Variants in DOCK1 observed in about 807,000 individuals in gnomAD.
DOCK1 encodes the protein dedicator of cytokinesis protein 1.
Under a neutral mutation model 262.7 loss-of-function variants are expected in DOCK1, and 138 were observed. The observed-to-expected ratio is 0.53, with a 90% CI of 0.46 to 0.61. DOCK1 has a LOEUF of 0.61. Ranked by LOEUF, DOCK1 falls within the 20% of genes least tolerant of loss-of-function variation. DOCK1 has a pLI of 0.00. For missense variants in DOCK1, 1,908 were observed against 2,370.7 expected (o/e 0.80, Z 4.05); for synonymous variants, 866 against 867.4 (o/e 1.00, Z 0.03).
rs767858333 is a variant in DOCK1, at chr10:127,042,665, T to TG, written c.2053dup (p.Glu685GlyfsTer6). The TG allele has an allele frequency of 5.6e-6, 9 of 1,614,164 alleles. No homozygotes were observed. Among genetic ancestry groups the TG allele is most frequent in the Admixed American group, 3.3e-5 (2 of 60,022 alleles). On this transcript the variant is annotated frameshift_variant, in exon 20 of 52. Coordinates refer to ENST00000623213, the MANE Select transcript of DOCK1 (RefSeq NM_001290223.2). LOFTEE classifies it high-confidence loss of function. ...TTGGATGCCCTCTTCAACATCATGA[T>TG]GGAGAACTCAGAGAGTGAGACTTTT...
chr10:126,956,302 C>A (rs937445420), intron 1 of DOCK1, among the ~76,000 whole-genome samples: 33 of 152,236 alleles, frequency 2.2e-4, no homozygotes, highest in Admixed American at 1.6e-3. Flanking sequence ...TGAGATTTCA[C>A]CAGCAGAAGG....
intron 38 of DOCK1, among the ~76,000 whole-genome samples, chr10:127,387,815 A>G (rs1450747977): frequency 1.3e-5 from 2 of 152,060 alleles, no homozygotes; most frequent in Non-Finnish European, 2.9e-5. Context: ...CATGTATGGC[A>G]GGACAGGTGG....
chr10:127,420,237 A>C (rs958607915), intron 46 of DOCK1, among the ~76,000 whole-genome samples: 1 of 152,078 alleles, frequency 6.6e-6, no homozygotes, highest in Non-Finnish European at 1.5e-5. Flanking sequence ...TGTGCAAGTT[A>C]TTTCACTGTT....
At chr10:127,017,268 C>T (rs1444294008) in intron 12 of DOCK1, among the ~76,000 whole-genome samples, 1 of 134,152 alleles carries the variant, frequency 7.5e-6, no homozygotes, top group Non-Finnish European at 1.6e-5. Flanking sequence ...CTCAGATATA[C>T]ATATAGACAC....
Position 127,418,476 on chromosome 10 carries a change from C to T in DOCK1, c.4627C>T (p.Leu1543Phe). The T allele has an allele frequency of 1.2e-6, 2 of 1,614,150 alleles. No homozygotes were observed. Among genetic ancestry groups the T allele is most frequent in the Non-Finnish European group, 8.5e-7 (1 of 1,180,020 alleles). ...TGACCCCAGCCTGCCCATCAACCCG[C>T]TCTCCATGCTCCTGAACGGCATCGT... Reference protein sequence around the residue: ...LDDPSLPINPLSMLLNGIVDP... With the variant: ...LDDPSLPINPFSMLLNGIVDP... The change falls in exon 45 of 52, where the codon CTC (leucine) becomes TTC (phenylalanine). Residue 1543 changes from leucine to phenylalanine, a missense_variant. Coordinates refer to ENST00000623213, the MANE Select transcript of DOCK1 (RefSeq NM_001290223.2).
intron 29 of DOCK1, among the ~76,000 whole-genome samples, chr10:127,277,120 T>G (rs1368667052): frequency 1.3e-5 from 2 of 152,160 alleles, no homozygotes; most frequent in African/African-American, 4.8e-5. Flanking sequence ...ACGCTCAGTT[T>G]CCCTTTCAGA....
chr10:127,415,105 G>A (rs771085078), intron 43 of DOCK1, 47 bp from the exon 44 acceptor site: 1 of 1,575,204 alleles, frequency 6.3e-7, no homozygotes, highest in Admixed American at 1.7e-5. Context: ...CTGTCCACCT[G>A]CTGACATCCT....
intron 27 of DOCK1, among the ~76,000 whole-genome samples, chr10:127,190,600 C>G (rs2056651500): frequency 7.3e-6 from 1 of 137,570 alleles, no homozygotes; most frequent in Non-Finnish European, 1.5e-5. Flanking sequence ...TAATGAAAAA[C>G]TTATTTTTTA....
At chr10:127,092,749 C>T (rs2047615058) in intron 23 of DOCK1, among the ~76,000 whole-genome samples, 1 of 152,206 alleles carries the variant, frequency 6.6e-6, no homozygotes, top group East Asian at 1.9e-4. Context: ...TCCCAAGGTG[C>T]TGGGATTACA....
chr10:126,915,429 G>A (rs2032350621), intron 1 of DOCK1, among the ~76,000 whole-genome samples: 1 of 128,562 alleles, frequency 7.8e-6, no homozygotes, highest in Admixed American at 8.3e-5. Context: ...TTTTTTGGGG[G>A]CGGGGGGGGG....
intron 43 of DOCK1, among the ~76,000 whole-genome samples, chr10:127,414,541 TAGTA>T (rs1183545257): frequency 6.6e-6 from 1 of 152,250 alleles, no homozygotes; most frequent in African/African-American, 2.4e-5. Flanking sequence ...TTTTAATACT[TAGTA>T]AGAAGTCTTG....
intron 1 of DOCK1, among the ~76,000 whole-genome samples, chr10:126,945,471 GGGA>G (rs2035326017): frequency 2.0e-5 from 3 of 151,392 alleles, no homozygotes; most frequent in South Asian, 2.1e-4. Context: ...GAGAGAGAGA[GGGA>G]GAGAGAGAGA....
chr10:126,910,640 A>G (rs955493008), intron 1 of DOCK1, among the ~76,000 whole-genome samples: 2 of 152,256 alleles, frequency 1.3e-5, no homozygotes, highest in Non-Finnish European at 1.5e-5. Context: ...TACGTCTTGT[A>G]AAGCTGTAGT....
At chr10:127,104,603 C>T (rs1041068650) in intron 23 of DOCK1, among the ~76,000 whole-genome samples, 3 of 152,142 alleles carry the variant, frequency 2.0e-5, no homozygotes, top group Non-Finnish European at 2.9e-5. Flanking sequence ...TCTGTAATTG[C>T]GTAGTATTTT....
chr10:127,137,090 C>T (rs1365741209), intron 27 of DOCK1: 1 of 152,562 alleles, frequency 6.6e-6, no homozygotes, highest in African/African-American at 2.4e-5. Flanking sequence ...ATAGCTCTGA[C>T]CCTGTCTACT....
intron 3 of DOCK1, among the ~76,000 whole-genome samples, chr10:126,980,174 A>G (rs61875506): frequency 0.045 from 6,777 of 151,898 alleles, 199 homozygotes; most frequent in Middle Eastern, 0.11. Context: ...GTCCCTTCAG[A>G]CTTCTGTTTT....
At position 127,370,517 on chromosome 10, in the gene DOCK1, C is replaced by T. The variant is rs549130302; in HGVS notation, c.3433-3264C>T. Reference sequence around the variant, plus strand: ...TTACAGATGTATAAAATTATAGATGCATTAGAGTAAGAATAGTAAATCTCA... The same window carrying T: ...TTACAGATGTATAAAATTATAGATGTATTAGAGTAAGAATAGTAAATCTCA... On this transcript the variant is annotated intron_variant, in intron 33 of 51. Transcript: ENST00000623213. 2.0e-5 allele frequency among the ~76,000 whole-genome samples: 3 copies of T among 152,250 alleles called. No homozygotes were observed. In the South Asian group the frequency reaches 6.2e-4, roughly 32 times the overall value.
chr10:127,023,962 C>G (rs1266571020), intron 14 of DOCK1, among the ~76,000 whole-genome samples: 1 of 152,232 alleles, frequency 6.6e-6, no homozygotes, highest in Non-Finnish European at 1.5e-5. Context: ...AGCCAGAGCT[C>G]TGACCTCGTG....
rs180776563 is a variant in DOCK1 at position 127,195,505 on chromosome 10, C to T, written c.2848-52503C>T. On this transcript the variant is annotated intron_variant, in intron 27 of 51. Coordinates refer to ENST00000623213, the MANE Select transcript of DOCK1 (RefSeq NM_001290223.2). ...CTCTCCTCAACGGCCGGCGTCAGGG[C>T]CCCTCTGTTCCAACTCATCCCCCCC... is the stretch of plus-strand genomic sequence containing the variant. 4.5e-3 allele frequency among the ~76,000 whole-genome samples: 681 copies of T among 151,978 alleles called. 6 individuals are homozygous for T. The highest frequency in any genetic ancestry group is 0.016 in the African/African-American group (652 of 41,554).
Sources: allele counts gnomAD v4.1 joint callset (sites outside exome capture counted in the v4.1 genomes callset), GRCh38; gene constraint gnomAD v4.1.1; transcripts MANE v1.5; gene names NCBI Gene and HGNC (gene_info 2026-07-23, HGNC 2026-07-21).